The following HNF4G variants were observed in gnomAD, a reference collection of about 807,000 sequenced individuals.
HNF4G encodes hepatocyte nuclear factor 4-gamma.
In HNF4G, 21 loss-of-function variants were observed where a neutral mutation model predicts 50.9. The ratio of observed to expected loss-of-function variants is 0.41; its 90% CI spans 0.29 to 0.59. HNF4G has a LOEUF of 0.59. HNF4G is among the 20% of genes least tolerant of loss of function. The pLI is 0.26. For missense variants in HNF4G, 527 were observed against 559.4 expected, an observed-to-expected ratio of 0.94 and a Z score of 0.58; for synonymous variants, 198 against 185.6, an observed-to-expected ratio of 1.07 and a Z score of -0.54.
chr8:75,536,780 A>G (rs538240483), upstream of HNF4G, among the ~76,000 whole-genome samples: 1 of 152,276 alleles, frequency 6.6e-6, no homozygotes, highest in East Asian at 1.9e-4. Flanking sequence ...TATGATGCAT[A>G]ACTAAAAACC....
At chr8:75,412,111 T>C (rs1435521157) in intron 1 of HNF4G, among the ~76,000 whole-genome samples, 1 of 152,168 alleles carries the variant, frequency 6.6e-6, no homozygotes, top group African/African-American at 2.4e-5. Context: ...CTTCAGAAAA[T>C]TGTGGACCGC....
chr8:75,554,454 G>C (rs1807056881), intron 5 of HNF4G, among the ~76,000 whole-genome samples: 1 of 152,110 alleles, frequency 6.6e-6, no homozygotes, highest in African/African-American at 2.4e-5. Context: ...GTAAATGTCT[G>C]TTATGAATAA....
intron 1 of HNF4G, among the ~76,000 whole-genome samples, chr8:75,418,147 C>G (rs1421280215): frequency 6.6e-6 from 1 of 152,246 alleles, no homozygotes; most frequent in East Asian, 1.9e-4. Flanking sequence ...AAGCCCTTCT[C>G]CTTGGCTTGC....
intron 2 of HNF4G, among the ~76,000 whole-genome samples, chr8:75,511,747 C>T (rs973768467): frequency 1.3e-5 from 2 of 152,152 alleles, no homozygotes; most frequent in Non-Finnish European, 2.9e-5. Flanking sequence ...TCTGTCACTG[C>T]GCCCGGCTAA....
chr8:75,455,808 C>G (rs762356360), intron 1 of HNF4G, among the ~76,000 whole-genome samples: 1 of 152,030 alleles, frequency 6.6e-6, no homozygotes, highest in African/African-American at 2.4e-5. Context: ...CTACAAGTTA[C>G]TTTTGCTGCT....
intron 2 of HNF4G, among the ~76,000 whole-genome samples, chr8:75,507,848 A>G (rs1286897615): frequency 6.6e-6 from 1 of 152,158 alleles, no homozygotes; most frequent in Non-Finnish European, 1.5e-5. Context: ...TAAACTTATT[A>G]AGTGACTTAA....
At chr8:75,473,062 C>T (rs541458267) in intron 1 of HNF4G, among the ~76,000 whole-genome samples, 7 of 152,062 alleles carry the variant, frequency 4.6e-5, no homozygotes, top group Non-Finnish European at 1.0e-4. Flanking sequence ...GTAATCCCAG[C>T]ACTTTGGGAG....
Position 75,547,704 on chromosome 8 carries a change from T to C in HNF4G, c.382+23T>C, listed in dbSNP as rs760563384. ...AAGGTAATAATAATGATGATGATAA[T>C]TAACATTATTGATGAAAAGTGATAA... is the stretch of plus-strand genomic sequence containing the variant. On this transcript the variant is annotated intron_variant, in intron 3 of 9. Coordinates refer to ENST00000396423, the MANE Select transcript of HNF4G (RefSeq NM_004133.5). 3.0e-6 allele frequency: 4 copies of C among 1,338,230 alleles called. No individual in the cohort carries two copies. The Admixed American group carries it at 6.7e-5, about 23-fold the overall frequency. 82.9% of individuals were successfully genotyped at this position (1,338,230 alleles called of 1,614,324 possible).
chr8:75,485,640 T>C (rs982820873), intron 1 of HNF4G: 2 of 152,236 alleles, frequency 1.3e-5, no homozygotes, highest in African/African-American at 2.4e-5. Flanking sequence ...AGATACCTAA[T>C]TTATTTATTT....
intron 2 of HNF4G, among the ~76,000 whole-genome samples, chr8:75,521,335 A>G (rs1340416137): frequency 6.6e-6 from 1 of 152,198 alleles, no homozygotes; most frequent in Non-Finnish European, 1.5e-5. Flanking sequence ...CTGAAGAAAG[A>G]TATTTTACAG....
chr8:75,509,449 C>T (rs963771152), intron 2 of HNF4G, among the ~76,000 whole-genome samples: 1 of 152,166 alleles, frequency 6.6e-6, no homozygotes, highest in Non-Finnish European at 1.5e-5. Flanking sequence ...GAAGCCGGAA[C>T]ATTCTATTGC....
chr8:75,493,933 T>C (rs911074725), intron 2 of HNF4G, among the ~76,000 whole-genome samples: 15 of 152,214 alleles, frequency 9.9e-5, no homozygotes, highest in Admixed American at 2.0e-4. Flanking sequence ...AAAGCAAATT[T>C]GCAGACATAT....
chr8:75,499,061 T>A (rs1812856541), intron 2 of HNF4G, among the ~76,000 whole-genome samples: 1 of 151,980 alleles, frequency 6.6e-6, no homozygotes, highest in South Asian at 2.1e-4. Flanking sequence ...AGAAAAGGTG[T>A]CCAGATTGGA....
intron 9 of HNF4G, 151 bp from the exon 10 acceptor site, chr8:75,563,823 GC>G: frequency 1.3e-6 from 1 of 757,752 alleles, no homozygotes; most frequent in African/African-American, 1.8e-5. Context: ...TACGTCATGG[GC>G]CAATAATGCA....
chr8:75,453,190 T>A (rs1342796076), intron 1 of HNF4G, among the ~76,000 whole-genome samples: 2 of 152,202 alleles, frequency 1.3e-5, no homozygotes, highest in African/African-American at 4.8e-5. Context: ...TAATTACACT[T>A]ATTTGAGCCT....
intron 2 of HNF4G, among the ~76,000 whole-genome samples, chr8:75,496,824 C>A (rs1182978429): frequency 6.9e-6 from 1 of 145,814 alleles, no homozygotes; most frequent in African/African-American, 2.6e-5. Flanking sequence ...ATATATATGG[C>A]ATTAAAATAT....
intron 1 of HNF4G, among the ~76,000 whole-genome samples, chr8:75,462,692 G>A (rs1254847686): frequency 6.6e-6 from 1 of 152,242 alleles, no homozygotes; most frequent in South Asian, 2.1e-4. Context: ...TCACTACAAT[G>A]ATTACGGTAG....
intron 1 of HNF4G, among the ~76,000 whole-genome samples, chr8:75,447,338 A>C (rs1811445626): frequency 1.1e-5 from 1 of 93,492 alleles, no homozygotes; most frequent in Non-Finnish European, 2.1e-5. Context: ...CCTAGAAGAA[A>C]ACCTAGGCAT....
intron 2 of HNF4G, among the ~76,000 whole-genome samples, chr8:75,494,209 T>C (rs1812704399): frequency 1.3e-5 from 2 of 151,946 alleles, no homozygotes; most frequent in South Asian, 2.1e-4. Flanking sequence ...ATTCAATACA[T>C]TCACAAGCAG....
Sources: gnomAD v4.1 joint callset for allele counts (sites outside exome capture counted in the v4.1 genomes callset) on GRCh38, gnomAD v4.1.1 for gene constraint, MANE v1.5 for transcripts, NCBI Gene and HGNC (gene_info 2026-07-23, HGNC 2026-07-21) for gene names.